Variants in CHSY3 observed in about 807,000 individuals in gnomAD.
CHSY3 encodes N-acetylgalactosaminyl-proteoglycan 3-beta-glucuronosyltransferase 3.
Under a neutral mutation model 67.2 loss-of-function variants are expected in CHSY3, and 35 were observed. The ratio of observed to expected loss-of-function variants is 0.52; its 90% CI spans 0.40 to 0.69. The LOEUF (loss-of-function observed/expected upper bound fraction) is 0.69, where lower values mean the gene tolerates loss of function less well. Ranked by LOEUF, CHSY3 falls within the 30% of genes least tolerant of loss-of-function variation. CHSY3 has a pLI of 0.00. For synonymous variants in CHSY3, 474 were observed against 434.7 expected, an observed-to-expected ratio of 1.09 and a Z score of -1.12; for missense variants, 1,069 against 1,138.5, an observed-to-expected ratio of 0.94 and a Z score of 0.88.
At chr5:129,948,431 G>A (rs780454627) in intron 2 of CHSY3, among the ~76,000 whole-genome samples, 2 of 152,114 alleles carry the variant, frequency 1.3e-5, no homozygotes, top group African/African-American at 2.4e-5. Flanking sequence ...GAGGACATAT[G>A]ATTTTAGTTT....
chr5:130,027,156 G>A (rs1454087439), intron 2 of CHSY3, among the ~76,000 whole-genome samples: 1 of 152,140 alleles, frequency 6.6e-6, no homozygotes, highest in East Asian at 1.9e-4. Flanking sequence ...GGAGTTTCAT[G>A]CTGGCATTAA....
intron 2 of CHSY3, among the ~76,000 whole-genome samples, chr5:129,996,616 G>A (rs1763547093): frequency 6.6e-6 from 1 of 152,140 alleles, no homozygotes; most frequent in African/African-American, 2.4e-5. Context: ...CTGTATTGAT[G>A]AATATCATAA....
chr5:129,980,340 A>G (rs1762946331), intron 2 of CHSY3, among the ~76,000 whole-genome samples: 1 of 152,180 alleles, frequency 6.6e-6, no homozygotes, highest in African/African-American at 2.4e-5. Context: ...TATAATGTGG[A>G]GCGTATTTTC....
intron 2 of CHSY3, among the ~76,000 whole-genome samples, chr5:129,932,505 A>G (rs1761349679): frequency 6.6e-6 from 1 of 152,112 alleles, no homozygotes; most frequent in Non-Finnish European, 1.5e-5. Context: ...GGACACCATA[A>G]CTAGCCAAAC....
intron 2 of CHSY3, among the ~76,000 whole-genome samples, chr5:130,020,461 ATTTTTTT>A (rs1196155924): frequency 1.3e-3 from 104 of 79,836 alleles, no homozygotes; most frequent in African/African-American, 6.1e-3. Context: ...ATATATATAT[ATTTTTTT>A]TTTTTTTTTT....
At chr5:129,957,839 C>T (rs1346932710) in intron 2 of CHSY3, among the ~76,000 whole-genome samples, 1 of 151,936 alleles carries the variant, frequency 6.6e-6, no homozygotes, top group Non-Finnish European at 1.5e-5. Context: ...TCCTTCAAAT[C>T]TGGGTTTCTT....
At chr5:130,048,777 G>A (rs955288932) in intron 2 of CHSY3, among the ~76,000 whole-genome samples, 7 of 152,108 alleles carry the variant, frequency 4.6e-5, no homozygotes, top group African/African-American at 1.7e-4. Context: ...GTGAGATGGG[G>A]AGGATAAATA....
intron 2 of CHSY3, among the ~76,000 whole-genome samples, chr5:129,997,569 A>G (rs1763579175): frequency 6.6e-6 from 1 of 152,160 alleles, no homozygotes; most frequent in Non-Finnish European, 1.5e-5. Context: ...CAGGTTTGTT[A>G]CATAGATATA....
chr5:130,050,895 C>T (rs1046280295), intron 2 of CHSY3, among the ~76,000 whole-genome samples: 4 of 151,950 alleles, frequency 2.6e-5, no homozygotes, highest in African/African-American at 9.7e-5. Flanking sequence ...TGCTATTAGC[C>T]ATCAGTAAGT....
At chr5:130,081,895 T>G (rs1766458378) in intron 2 of CHSY3, among the ~76,000 whole-genome samples, 1 of 152,126 alleles carries the variant, frequency 6.6e-6, no homozygotes, top group South Asian at 2.1e-4. Context: ...ATCTATATAT[T>G]TTTTCCTTTC....
chr5:130,112,752 A>G (rs1404747345), intron 2 of CHSY3, among the ~76,000 whole-genome samples: 1 of 152,058 alleles, frequency 6.6e-6, no homozygotes, highest in Non-Finnish European at 1.5e-5. Context: ...TGAGTTTCCT[A>G]TTAGGGATTG....
chr5:129,976,179 G>A (rs1287622429), intron 2 of CHSY3, among the ~76,000 whole-genome samples: 2 of 152,158 alleles, frequency 1.3e-5, no homozygotes, highest in Admixed American at 6.5e-5. Context: ...TGAAAAATGA[G>A]TAGTGGAGTT....
intron 2 of CHSY3, among the ~76,000 whole-genome samples, chr5:130,102,667 G>A (rs1767285349): frequency 6.6e-6 from 1 of 152,056 alleles, no homozygotes; most frequent in East Asian, 1.9e-4. Flanking sequence ...TGATTAATTG[G>A]ATGAGAAAAT....
At chr5:130,047,894 T>C (rs1765203188) in intron 2 of CHSY3, among the ~76,000 whole-genome samples, 2 of 151,830 alleles carry the variant, frequency 1.3e-5, no homozygotes, top group African/African-American at 4.8e-5. Flanking sequence ...TGAACAGAAT[T>C]ATTGTCAGGT....
At chr5:130,100,350 AT>A (rs3065055) in intron 2 of CHSY3, among the ~76,000 whole-genome samples, 1,658 of 131,658 alleles carry the variant, frequency 0.013, 15 homozygotes, top group South Asian at 0.031. Flanking sequence ...ATGCTTGGCT[AT>A]TTTTTTTTTT....
intron 2 of CHSY3, among the ~76,000 whole-genome samples, chr5:130,164,653 C>T (rs896246168): frequency 1.1e-4 from 17 of 152,154 alleles, no homozygotes; most frequent in African/African-American, 4.1e-4. Context: ...TTGAGTCTCT[C>T]TTCTCAGACA....
chr5:129,975,395 A>T (rs9918257), intron 2 of CHSY3, among the ~76,000 whole-genome samples: 1 of 152,126 alleles, frequency 6.6e-6, no homozygotes, highest in Non-Finnish European at 1.5e-5. Flanking sequence ...TTGACTTTCA[A>T]TTTCTGAAGG....
intron 2 of CHSY3, among the ~76,000 whole-genome samples, chr5:130,099,271 A>G (rs1218166892): frequency 6.6e-6 from 1 of 152,182 alleles, no homozygotes; most frequent in East Asian, 1.9e-4. Context: ...TCCTTTCCAA[A>G]CAGATCTTTC....
At chr5:130,058,144 TTC>T (rs1041753640) in intron 2 of CHSY3, among the ~76,000 whole-genome samples, 23 of 152,216 alleles carry the variant, frequency 1.5e-4, no homozygotes, top group Non-Finnish European at 2.9e-5. Flanking sequence ...TCTGATTTTC[TTC>T]TTTCTGTATT....
Sources: allele counts gnomAD v4.1 joint callset (sites outside exome capture counted in the v4.1 genomes callset), GRCh38; gene constraint gnomAD v4.1.1; transcripts MANE v1.5; gene names NCBI Gene and HGNC (gene_info 2026-07-23, HGNC 2026-07-21).